Variants in PCGF5 observed in about 807,000 individuals in gnomAD.
The protein encoded by PCGF5 is polycomb group ring finger 5.
PCGF5 carries 9 observed loss-of-function variants against 44.3 expected under a neutral mutation model. The ratio of observed to expected loss-of-function variants is 0.20; its 90% CI spans 0.12 to 0.35. The LOEUF (loss-of-function observed/expected upper bound fraction) is 0.35, where lower values mean the gene tolerates loss of function less well. PCGF5 is among the 10% of genes least tolerant of loss of function. The probability of loss-of-function intolerance (pLI) is 1.00; values close to 1 mark genes in which losing one functional copy is unlikely to be tolerated. For synonymous variants in PCGF5, 95 were observed against 102.5 expected (o/e 0.93, Z 0.44); for missense variants, 146 against 305.3 (o/e 0.48, Z 3.89).
At chr10:91,212,909 A>G (rs1844479115) in intron 1 of PCGF5, among the ~76,000 whole-genome samples, 1 of 152,186 alleles carries the variant, frequency 6.6e-6, no homozygotes, top group South Asian at 2.1e-4. Context: ...ACTCATCTTC[A>G]TGGTAGAAAC....
chr10:91,158,049 G>T (rs1016869211), upstream of PCGF5, among the ~76,000 whole-genome samples: 2 of 152,170 alleles, frequency 1.3e-5, no homozygotes, highest in Non-Finnish European at 2.9e-5. Flanking sequence ...AAGACAAATG[G>T]TGCCTTTTAA....
chr10:91,184,251 T>C (rs1204797591), intron 1 of PCGF5, among the ~76,000 whole-genome samples: 1 of 152,136 alleles, frequency 6.6e-6, no homozygotes, highest in Non-Finnish European at 1.5e-5. Flanking sequence ...GAGGTTTTGT[T>C]CATTTCTTTT....
chr10:91,178,884 A>G (rs1223978680), intron 1 of PCGF5, among the ~76,000 whole-genome samples: 2 of 152,204 alleles, frequency 1.3e-5, no homozygotes, highest in South Asian at 2.1e-4. Flanking sequence ...TACATGAAGC[A>G]TTATTATTTG....
chr10:91,232,369 A>T (rs990898176), intron 2 of PCGF5, among the ~76,000 whole-genome samples: 1 of 152,232 alleles, frequency 6.6e-6, no homozygotes, highest in Non-Finnish European at 1.5e-5. Context: ...AAAGTAAAGA[A>T]AAGGTGAAAA....
intron 6 of PCGF5, among the ~76,000 whole-genome samples, chr10:91,252,262 G>A (rs1845638745): frequency 6.6e-6 from 1 of 151,712 alleles, no homozygotes; most frequent in Admixed American, 6.6e-5. Flanking sequence ...TATATTCATT[G>A]TCTCTAATTT....
At chr10:91,262,151 G>A (rs1249360949) in intron 7 of PCGF5, among the ~76,000 whole-genome samples, 2 of 152,172 alleles carry the variant, frequency 1.3e-5, no homozygotes, top group African/African-American at 4.8e-5. Flanking sequence ...CAGGCCAGGC[G>A]TGGTGGCTTA....
intron 1 of PCGF5, among the ~76,000 whole-genome samples, chr10:91,185,572 C>T (rs1179772471): frequency 2.6e-5 from 4 of 152,174 alleles, no homozygotes. Context: ...GTCTAACCTC[C>T]CTCTTTGCCT....
chr10:91,173,578 C>CTTTTTTTTTTTTTT lies in PCGF5; in HGVS notation c.-184+10501_-184+10514dup, dbSNP rs59254639. Among the ~76,000 whole-genome samples, 340 of 115,532 alleles carry CTTTTTTTTTTTTTT rather than the reference C, an allele frequency of 2.9e-3. 24 individuals carry two copies. Among genetic ancestry groups the CTTTTTTTTTTTTTT allele is most frequent in the African/African-American group, 0.011 (311 of 29,226 alleles). The allele number at this position is 115,532 out of a possible 152,430, so 75.8% of individuals were successfully genotyped here. On this transcript the variant is annotated intron_variant, in intron 1 of 9. Transcript: ENST00000614189. ...TTATTCTTCTGCTAGAGGGAGTTGG[C>CTTTTTTTTTTTTTT]TTTTTTTTTTTTTTTTTCCCACAGA...
chr10:91,253,561 T>C (rs1023280569), intron 6 of PCGF5, among the ~76,000 whole-genome samples: 5 of 152,204 alleles, frequency 3.3e-5, no homozygotes, highest in Non-Finnish European at 5.9e-5. Flanking sequence ...GTTTTAGTTA[T>C]GACTGCTGTC....
At chr10:91,232,362 G>A (rs1442840002) in intron 2 of PCGF5, among the ~76,000 whole-genome samples, 1 of 152,096 alleles carries the variant, frequency 6.6e-6, no homozygotes, top group Non-Finnish European at 1.5e-5. Context: ...TCTTAATAAA[G>A]TAAAGAAAAG....
chr10:91,216,497 T>C (rs1844542475), upstream of PCGF5, among the ~76,000 whole-genome samples: 1 of 152,192 alleles, frequency 6.6e-6, no homozygotes. Context: ...GGCATTATTC[T>C]AGAAATGAGG....
intron 5 of PCGF5, 121 bp from the exon 6 acceptor site, chr10:91,251,171 C>T: frequency 6.3e-5 from 37 of 588,652 alleles, no homozygotes; most frequent in South Asian, 1.6e-4. Flanking sequence ...CTAAGTTCTT[C>T]TTCAAAAACT....
At chr10:91,257,291 T>G (rs1258941729) in intron 6 of PCGF5, among the ~76,000 whole-genome samples, 1 of 152,082 alleles carries the variant, frequency 6.6e-6, no homozygotes, top group Non-Finnish European at 1.5e-5. Context: ...GCCAGAAATT[T>G]TTTTTAAGGA....
chr10:91,178,074 A>C (rs1442532049), intron 1 of PCGF5, among the ~76,000 whole-genome samples: 1 of 152,208 alleles, frequency 6.6e-6, no homozygotes, highest in Non-Finnish European at 1.5e-5. Context: ...AAGTATTTTA[A>C]TAACGATTGG....
At chr10:91,211,167 T>C (rs1189847148) in intron 1 of PCGF5, among the ~76,000 whole-genome samples, 1 of 152,374 alleles carries the variant, frequency 6.6e-6, no homozygotes, top group East Asian at 1.9e-4. Context: ...TTTCCAATGC[T>C]ATGTTTGAAC....
chr10:91,196,451 T>A (rs968353170), intron 1 of PCGF5, among the ~76,000 whole-genome samples: 1 of 152,214 alleles, frequency 6.6e-6, no homozygotes, highest in African/African-American at 2.4e-5. Flanking sequence ...TTATGTCCCT[T>A]CTCACCCCAG....
In PCGF5 at chr10:91,278,436, A is replaced by G; in HGVS notation, c.*120A>G. 1 of 869,408 alleles carries G rather than the reference A, an allele frequency of 1.2e-6. No homozygotes were observed. 53.9% of individuals were successfully genotyped at this position (869,408 alleles called of 1,614,324 possible). A position where few individuals can be genotyped will look rare whatever the true frequency, so the allele number is the denominator to read the frequency against. Reference sequence around the variant, plus strand: ...CAACCAGATTTTCAGCATGCAAATAAGGCCATTGTCTATCTCTAAATTGTC... The same window carrying G: ...CAACCAGATTTTCAGCATGCAAATAGGGCCATTGTCTATCTCTAAATTGTC... On this transcript the variant is annotated 3_prime_UTR_variant, in exon 10 of 10. Coordinates refer to ENST00000336126, the MANE Select transcript of PCGF5 (RefSeq NM_032373.5).
At chr10:91,235,677 G>A (rs554549232) in intron 2 of PCGF5, among the ~76,000 whole-genome samples, 2 of 152,274 alleles carry the variant, frequency 1.3e-5, no homozygotes, top group African/African-American at 4.8e-5. Flanking sequence ...TTGAATCATG[G>A]GGGCGGGTCT....
At chr10:91,272,664 T>C (rs2133454149) in intron 9 of PCGF5, among the ~76,000 whole-genome samples, 1 of 152,140 alleles carries the variant, frequency 6.6e-6, no homozygotes, top group African/African-American at 2.4e-5. Context: ...TCCCAGCTAC[T>C]AAGGAGGTTG....
Sources: gnomAD v4.1 joint callset for allele counts (sites outside exome capture counted in the v4.1 genomes callset) on GRCh38, gnomAD v4.1.1 for gene constraint, MANE v1.5 for transcripts, NCBI Gene and HGNC (gene_info 2026-07-23, HGNC 2026-07-21) for gene names.